Variants in PDIA5 observed in about 807,000 individuals in gnomAD.
The protein encoded by PDIA5 is protein disulfide isomerase family A member 5.
A neutral mutation model predicts 77.6 loss-of-function variants in PDIA5; 58 were observed. That is an observed-to-expected ratio of 0.75 (90% CI 0.61 to 0.93). PDIA5 has a LOEUF of 0.93. Among genes scored for constraint, PDIA5 ranks in the 40% least tolerant of loss-of-function variants. The pLI, the probability that PDIA5 is intolerant of heterozygous loss-of-function variation, is 0.00. For missense variants in PDIA5, 630 were observed against 647.7 expected, an observed-to-expected ratio of 0.97 and a Z score of 0.30; for synonymous variants, 250 against 252.1, an observed-to-expected ratio of 0.99 and a Z score of 0.08.
chr3:123,136,734 A>G (rs1393831128), intron 11 of PDIA5, among the ~76,000 whole-genome samples: 1 of 151,516 alleles, frequency 6.6e-6, no homozygotes, highest in East Asian at 1.9e-4. Flanking sequence ...ACAAAAAAAA[A>G]AAAAAAAAAA....
At chr3:123,110,879 G>A in intron 6 of PDIA5, 65 bp from the exon 7 acceptor site, 1 of 1,288,554 alleles carries the variant, frequency 7.8e-7, no homozygotes, top group South Asian at 1.2e-5. Context: ...GGAGGGGCGG[G>A]GAGGGGGTCT....
At chr3:123,155,062 C>G (rs746388935) in intron 15 of PDIA5, 21 bp downstream of exon 15, 4 of 1,538,808 alleles carry the variant, frequency 2.6e-6, no homozygotes, top group Non-Finnish European at 3.6e-6. Flanking sequence ...CGCTCTTCAT[C>G]TCTTGATCTG....
rs1934842391 is a variant in PDIA5, at chr3:123,110,827, C to A, written c.481-117C>A. On this transcript the variant is annotated intron_variant, in intron 6 of 16. Coordinates refer to ENST00000316218, the MANE Select transcript of PDIA5 (RefSeq NM_006810.4). ...CGTATGCTTTCTGAAGTGCTCACTCCCCCTCCCCTCCCCATCCCTACCCTT... is the reference window on the plus strand; with the variant it reads ...CGTATGCTTTCTGAAGTGCTCACTCACCCTCCCCTCCCCATCCCTACCCTT... The A allele has an allele frequency of 4.6e-6, 4 of 873,488 alleles. No homozygotes were observed. In the East Asian group the frequency reaches 7.2e-5, roughly 16 times the overall value. The allele number at this position is 873,488 out of a possible 1,614,324, so 54.1% of individuals were successfully genotyped here.
intron 13 of PDIA5, 25 bp downstream of exon 13, chr3:123,146,284 C>T (rs1935770766): frequency 6.2e-7 from 1 of 1,604,260 alleles, no homozygotes; most frequent in Non-Finnish European, 8.5e-7. Context: ...CTCAGTAGCA[C>T]ATCCTAACTG....
chr3:123,108,143 CT>C (rs1934780214), intron 6 of PDIA5, among the ~76,000 whole-genome samples: 1 of 152,046 alleles, frequency 6.6e-6, no homozygotes, highest in African/African-American at 2.4e-5. Context: ...AAAATGATGC[CT>C]TTTTTTAACC....
Position 123,134,526 on chromosome 3 carries a change from C to G in PDIA5, c.910+3910C>G, listed in dbSNP as rs562032167. On this transcript the variant is annotated intron_variant, in intron 11 of 16. Transcript: ENST00000316218. The stretch of plus-strand genomic sequence containing the variant: ...ACCCATCACCGTAAGTGATGACTGA[C>G]CTGGAGACACCATGGGCCCTGCTCC... 4.6e-5 allele frequency among the ~76,000 whole-genome samples: 7 copies of G among 152,318 alleles called. No homozygotes were observed. In the East Asian group the frequency reaches 1.4e-3, roughly 29 times the overall value.
chr3:123,158,363 C>G (rs757293526), intron 15 of PDIA5, among the ~76,000 whole-genome samples: 6 of 152,116 alleles, frequency 3.9e-5, no homozygotes, highest in South Asian at 2.1e-4. Flanking sequence ...CGCAAACAGG[C>G]ATTGTCAGAG....
chr3:123,143,872 G>A (rs929427052), intron 11 of PDIA5, among the ~76,000 whole-genome samples: 2 of 152,170 alleles, frequency 1.3e-5, no homozygotes, highest in Admixed American at 6.5e-5. Flanking sequence ...GCCCTTGACC[G>A]AGTCATGTCT....
chr3:123,150,612 C>A (rs978549537), intron 14 of PDIA5, among the ~76,000 whole-genome samples: 1 of 152,146 alleles, frequency 6.6e-6, no homozygotes, highest in Non-Finnish European at 1.5e-5. Flanking sequence ...TGTCCTAAAG[C>A]CCTCTGCCTC....
At chr3:123,090,188 C>T (rs553055974) in intron 2 of PDIA5, among the ~76,000 whole-genome samples, 3 of 152,330 alleles carry the variant, frequency 2.0e-5, no homozygotes, top group East Asian at 3.9e-4. Context: ...TTGCCACTTG[C>T]GGCTGCTGCT....
chr3:123,141,490 G>C (rs1243517256), intron 11 of PDIA5, among the ~76,000 whole-genome samples: 3 of 152,156 alleles, frequency 2.0e-5, no homozygotes, highest in Non-Finnish European at 4.4e-5. Context: ...TTGAACTCTC[G>C]GGCGATAGAC....
intron 7 of PDIA5, among the ~76,000 whole-genome samples, chr3:123,113,238 G>A (rs944165551): frequency 3.9e-5 from 6 of 152,256 alleles, no homozygotes; most frequent in South Asian, 4.2e-4. Flanking sequence ...TATGCAGTGC[G>A]TGCCACAAGA....
intron 1 of PDIA5, among the ~76,000 whole-genome samples, chr3:123,073,785 T>C (rs1933784862): frequency 6.6e-6 from 1 of 152,218 alleles, no homozygotes; most frequent in Non-Finnish European, 1.5e-5. Flanking sequence ...GGAGTGTCCA[T>C]TCCCTGCAAA....
Position 123,150,271 on chromosome 3 carries a change from G to GAGC in PDIA5, c.1186_1188dup (p.Gln396dup). The GAGC allele has an allele frequency of 6.2e-7, 1 of 1,613,574 alleles. No individual in the cohort carries two copies. Among genetic ancestry groups the GAGC allele is most frequent in the Non-Finnish European group, 8.5e-7 (1 of 1,179,686 alleles). On this transcript the variant is annotated inframe_insertion, in exon 14 of 17. Coordinates refer to ENST00000316218, the MANE Select transcript of PDIA5 (RefSeq NM_006810.4). ...CCCGCCCCCAGAGCCCACGTGGGAA[G>GAGC]AGCAGCAGACAAGCGTGTTGCACCT...
At chr3:123,125,875 A>G (rs1560536183) in intron 10 of PDIA5, among the ~76,000 whole-genome samples, 1 of 152,068 alleles carries the variant, frequency 6.6e-6, no homozygotes, top group African/African-American at 2.4e-5. Flanking sequence ...TCATGTGTTC[A>G]TTGTCTTAAC....
chr3:123,067,859 A>G (rs1443356147), intron 1 of PDIA5, among the ~76,000 whole-genome samples: 1 of 152,146 alleles, frequency 6.6e-6, no homozygotes, highest in Non-Finnish European at 1.5e-5. Flanking sequence ...TTCCTCATGC[A>G]TGATATAGAA....
Position 123,085,624 on chromosome 3 carries a change from C to T in PDIA5, c.43-3544C>T, listed in dbSNP as rs376700996. On this transcript the variant is annotated intron_variant, in intron 1 of 16. Transcript: ENST00000316218. ...GTTTCTCTTGTACACACTTTGTTGT[C>T]GCTGCGGCTCAGCTGCACACACCGC... is the stretch of plus-strand genomic sequence containing the variant. Among the ~76,000 whole-genome samples, 7 of 152,304 alleles carry T rather than the reference C, an allele frequency of 4.6e-5. No homozygotes were observed. In the East Asian group the frequency reaches 7.7e-4, roughly 17 times the overall value.
At chr3:123,109,539 C>T (rs1460478223) in intron 6 of PDIA5, among the ~76,000 whole-genome samples, 2 of 152,078 alleles carry the variant, frequency 1.3e-5, no homozygotes, top group South Asian at 2.1e-4. Context: ...TTAATGCTCT[C>T]TCTAGTTACG....
chr3:123,086,759 T>C (rs1054340877), intron 1 of PDIA5, among the ~76,000 whole-genome samples: 2 of 152,214 alleles, frequency 1.3e-5, no homozygotes. Context: ...AGTTTCCATG[T>C]CTAATTTTTC....
Sources: allele counts gnomAD v4.1 joint callset (sites outside exome capture counted in the v4.1 genomes callset), GRCh38; gene constraint gnomAD v4.1.1; transcripts MANE v1.5; gene names NCBI Gene and HGNC (gene_info 2026-07-23, HGNC 2026-07-21).